LRRTM4: variants seen among roughly 807,000 people sequenced by gnomAD.
The protein encoded by LRRTM4 is leucine rich repeat transmembrane neuronal 4.
A neutral mutation model predicts 47.6 loss-of-function variants in LRRTM4; 25 were observed. That is an observed-to-expected ratio of 0.53 (90% CI 0.38 to 0.73). The LOEUF is 0.73. LRRTM4 is among the 30% of genes least tolerant of loss of function. The pLI, the probability that LRRTM4 is intolerant of heterozygous loss-of-function variation, is 0.00. For synonymous variants in LRRTM4, 311 were observed against 269.5 expected (o/e 1.15, Z -1.51); for missense variants, 638 against 713.4 (o/e 0.89, Z 1.20).
intron 3 of LRRTM4, among the ~76,000 whole-genome samples, chr2:77,319,467 A>T (rs1677724678): frequency 6.6e-6 from 1 of 151,824 alleles, no homozygotes; most frequent in African/African-American, 2.4e-5. Flanking sequence ...ACTTGATTTC[A>T]CTCAACCATC....
chr2:77,041,697 T>C (rs1408378450), intron 3 of LRRTM4, among the ~76,000 whole-genome samples: 1 of 151,292 alleles, frequency 6.6e-6, no homozygotes, highest in East Asian at 2.0e-4. Context: ...TTTCTATGTC[T>C]TTTTTTGAGA....
At chr2:77,458,342 C>A (rs1319907557) in intron 3 of LRRTM4, among the ~76,000 whole-genome samples, 1 of 152,050 alleles carries the variant, frequency 6.6e-6, no homozygotes, top group African/African-American at 2.4e-5. Flanking sequence ...TCTGCCAAGT[C>A]GTTTCTTTTT....
chr2:77,043,305 G>A (rs969808164), intron 3 of LRRTM4, among the ~76,000 whole-genome samples: 1 of 151,744 alleles, frequency 6.6e-6, no homozygotes, highest in African/African-American at 2.4e-5. Context: ...TCTTCAGCGT[G>A]CTTAAATTTT....
chr2:76,947,751 T>C (rs1008501212), intron 3 of LRRTM4, among the ~76,000 whole-genome samples: 1 of 151,886 alleles, frequency 6.6e-6, no homozygotes, highest in Non-Finnish European at 1.5e-5. Flanking sequence ...AATAGCAGTA[T>C]GGTTAATACA....
At chr2:77,315,627 C>G (rs1470414685) in intron 3 of LRRTM4, among the ~76,000 whole-genome samples, 1 of 152,152 alleles carries the variant, frequency 6.6e-6, no homozygotes, top group East Asian at 1.9e-4. Context: ...ACTCTAGACC[C>G]TAACCTTCCT....
chr2:77,177,118 G>A (rs1673221109), intron 3 of LRRTM4, among the ~76,000 whole-genome samples: 1 of 152,114 alleles, frequency 6.6e-6, no homozygotes, highest in Non-Finnish European at 1.5e-5. Context: ...CCAACCAGCA[G>A]CCCTAGGGGC....
chr2:77,204,156 G>A lies in LRRTM4; in HGVS notation c.1551+314162C>T, dbSNP rs1036084956. On this transcript the variant is annotated intron_variant, in intron 3 of 3. Coordinates refer to ENST00000409884, the MANE Select transcript of LRRTM4 (RefSeq NM_001134745.3). The stretch of plus-strand genomic sequence containing the variant: ...ATCTCCCAAGCAAACTGAGTCCAGT[G>A]CAAACATCACAGGGAGCAGCAGAGA... Among the ~76,000 whole-genome samples, 10 of 152,252 alleles carry A rather than the reference G, an allele frequency of 6.6e-5. No homozygotes were observed. The East Asian group carries it at 1.2e-3, about 18-fold the overall frequency.
intron 3 of LRRTM4, among the ~76,000 whole-genome samples, chr2:77,258,446 A>G (rs1675828637): frequency 6.6e-6 from 1 of 152,108 alleles, no homozygotes; most frequent in Non-Finnish European, 1.5e-5. Flanking sequence ...CACATTTTAT[A>G]ATACCATCAT....
intron 3 of LRRTM4, among the ~76,000 whole-genome samples, chr2:77,061,195 A>G (rs577102496): frequency 1.3e-5 from 2 of 152,110 alleles, no homozygotes; most frequent in Non-Finnish European, 2.9e-5. Context: ...GTGAGAAGCA[A>G]ATTAGATAAT....
At chr2:77,331,733 C>A (rs188547996) in intron 3 of LRRTM4, among the ~76,000 whole-genome samples, 43 of 152,176 alleles carry the variant, frequency 2.8e-4, no homozygotes, top group Admixed American at 2.7e-3. Context: ...TTTTTCCATC[C>A]TTTTATTGCA....
chr2:76,971,314 C>G (rs1367662364), intron 3 of LRRTM4, among the ~76,000 whole-genome samples: 3 of 152,052 alleles, frequency 2.0e-5, no homozygotes, highest in Non-Finnish European at 2.9e-5. Context: ...GTACCTCTGA[C>G]AAGCTCCCCA....
chr2:77,086,725 C>A (rs1448976103), intron 3 of LRRTM4, among the ~76,000 whole-genome samples: 1 of 151,998 alleles, frequency 6.6e-6, no homozygotes, highest in Non-Finnish European at 1.5e-5. Context: ...GAAATCCTGA[C>A]CTCAGGTAAT....
chr2:77,341,501 T>C (rs1671371794), intron 3 of LRRTM4, among the ~76,000 whole-genome samples: 1 of 152,048 alleles, frequency 6.6e-6, no homozygotes, highest in African/African-American at 2.4e-5. Flanking sequence ...CCATATTTCC[T>C]CTAAAACAAT....
intron 3 of LRRTM4, among the ~76,000 whole-genome samples, chr2:77,031,188 ATTGT>A (rs1265428297): frequency 3.3e-5 from 5 of 152,126 alleles, no homozygotes; most frequent in South Asian, 2.1e-4. Context: ...TATTTTAACT[ATTGT>A]TTGTTTACAT....
chr2:77,166,826 A>C (rs931862624), intron 3 of LRRTM4, among the ~76,000 whole-genome samples: 28 of 152,272 alleles, frequency 1.8e-4, no homozygotes, highest in Admixed American at 2.6e-4. Context: ...TAAAGACTTA[A>C]ATGTTACACC....
At chr2:77,015,274 A>G (rs891073322) in intron 3 of LRRTM4, among the ~76,000 whole-genome samples, 4 of 152,250 alleles carry the variant, frequency 2.6e-5, no homozygotes, top group African/African-American at 4.8e-5. Flanking sequence ...CCCTTAGTAT[A>G]TATTTCCCAT....
At chr2:77,281,971 A>G (rs1039525633) in intron 3 of LRRTM4, among the ~76,000 whole-genome samples, 1 of 151,958 alleles carries the variant, frequency 6.6e-6, no homozygotes, top group Admixed American at 6.6e-5. Flanking sequence ...AGTTCTGTGA[A>G]CAAATTATGT....
At chr2:77,122,748 T>C (rs1671552645) in intron 3 of LRRTM4, among the ~76,000 whole-genome samples, 2 of 151,772 alleles carry the variant, frequency 1.3e-5, no homozygotes, top group African/African-American at 4.8e-5. Flanking sequence ...CAGAACATCA[T>C]GCAAATAAAA....
chr2:77,430,195 T>G (rs1263730158), intron 3 of LRRTM4, among the ~76,000 whole-genome samples: 3 of 152,242 alleles, frequency 2.0e-5, no homozygotes, highest in Non-Finnish European at 4.4e-5. Context: ...ATGCATATGT[T>G]AATTAGCTAG....
Sources: gnomAD v4.1 joint callset for allele counts (sites outside exome capture counted in the v4.1 genomes callset) on GRCh38, gnomAD v4.1.1 for gene constraint, MANE v1.5 for transcripts, NCBI Gene and HGNC (gene_info 2026-07-23, HGNC 2026-07-21) for gene names.